Variants in INVS observed in about 807,000 individuals in gnomAD.
INVS encodes inversion of embryo turning homolog.
A neutral mutation model predicts 108.8 loss-of-function variants in INVS; 86 were observed. The ratio of observed to expected loss-of-function variants is 0.79; its 90% confidence interval spans 0.66 to 0.95. The LOEUF (loss-of-function observed/expected upper bound fraction) is 0.95, where lower values mean the gene tolerates loss of function less well. Among genes scored for constraint, INVS ranks in the 40% least tolerant of loss-of-function variants. The pLI is 0.00. For missense variants in INVS, 1,169 were observed against 1,297.4 expected (o/e 0.90, Z 1.52); for synonymous variants, 455 against 473.5 (o/e 0.96, Z 0.51).
At chr9:100,100,811 AATATATATAATATATGTATATATAAT>A (rs1826881468) in intron 1 of INVS, among the ~76,000 whole-genome samples, 2 of 13,208 alleles carry the variant, frequency 1.5e-4, no homozygotes, top group South Asian at 2.2e-3. Context: ...ATGTATATAT[AATATATATAATATATGTATATATAAT>A]ATATATATAA....
chr9:100,162,099 G>C (rs1322120546), intron 3 of INVS, among the ~76,000 whole-genome samples: 1 of 152,126 alleles, frequency 6.6e-6, no homozygotes, highest in African/African-American at 2.4e-5. Flanking sequence ...AGACTAAATG[G>C]TATAATAATA....
At chr9:100,113,085 A>G (rs1483871691) in intron 2 of INVS, among the ~76,000 whole-genome samples, 1 of 152,236 alleles carries the variant, frequency 6.6e-6, no homozygotes, top group Non-Finnish European at 1.5e-5. Flanking sequence ...TCAAACTGAT[A>G]AAAGGAACAT....
At chr9:100,284,207 T>C in intron 12 of INVS, 113 bp from the exon 13 acceptor site, 1 of 1,284,708 alleles carries the variant, frequency 7.8e-7, no homozygotes, top group Non-Finnish European at 1.1e-6. Context: ...AATGCAAATT[T>C]CCAAATATCT....
chr9:100,234,052 G>A (rs1831601060), intron 5 of INVS, among the ~76,000 whole-genome samples: 1 of 152,156 alleles, frequency 6.6e-6, no homozygotes, highest in Non-Finnish European at 1.5e-5. Context: ...TTCAGAACTT[G>A]TTATTGGTCT....
At chr9:100,113,341 G>C (rs915730178) in intron 2 of INVS, among the ~76,000 whole-genome samples, 3 of 152,156 alleles carry the variant, frequency 2.0e-5, no homozygotes, top group Admixed American at 6.5e-5. Context: ...GCCTCCTCTA[G>C]GAGTTACACA....
intron 3 of INVS, among the ~76,000 whole-genome samples, chr9:100,210,247 G>T (rs1055755589): frequency 6.6e-6 from 1 of 152,120 alleles, no homozygotes; most frequent in Non-Finnish European, 1.5e-5. Flanking sequence ...GGGGGTTATT[G>T]GAGCATGTAA....
rs1043594795 is a variant in INVS, at chr9:100,239,980, G to A, written c.616-80G>A. 34 of 1,348,194 alleles carry A rather than the reference G, an allele frequency of 2.5e-5. No homozygotes were observed. The African/African-American group carries it at 3.7e-4, about 15-fold the overall frequency. The allele number at this position is 1,348,194 out of a possible 1,614,324, so 83.5% of individuals were successfully genotyped here. A position where few individuals can be genotyped will look rare whatever the true frequency, so the allele number is the denominator to read the frequency against. On this transcript the variant is annotated intron_variant, in intron 5 of 16. Coordinates refer to ENST00000262457, the MANE Select transcript of INVS (RefSeq NM_014425.5). The stretch of plus-strand genomic sequence containing the variant: ...CAAGACCCTGTCTCTAAAAAAGAAA[G>A]AAAGAAAAAAATACTTACACCAAAT...
intron 3 of INVS, among the ~76,000 whole-genome samples, chr9:100,149,248 T>G (rs1363675945): frequency 6.6e-6 from 1 of 152,216 alleles, no homozygotes; most frequent in Admixed American, 6.5e-5. Context: ...AGTGATAGTT[T>G]ATGAGTTTTT....
chr9:100,108,204 T>C (rs1270011044), intron 2 of INVS, among the ~76,000 whole-genome samples: 1 of 152,252 alleles, frequency 6.6e-6, no homozygotes, highest in Non-Finnish European at 1.5e-5. Flanking sequence ...AATGTGTTAT[T>C]ATTAAAACCT....
At chr9:100,100,783 ATATT>A (rs1446517151) in intron 1 of INVS, among the ~76,000 whole-genome samples, 3 of 6,614 alleles carry the variant, frequency 4.5e-4, no homozygotes, top group Non-Finnish European at 4.0e-4. Flanking sequence ...TATATAATAT[ATATT>A]ATATATATAA....
chr9:100,175,560 A>G, intron 3 of INVS: 1 of 725,716 alleles, frequency 1.4e-6, no homozygotes, highest in South Asian at 1.4e-5. Flanking sequence ...ACAGGTTAAG[A>G]CTTGGTTCCA....
chr9:100,267,330 G>T (rs1832826741), intron 11 of INVS, among the ~76,000 whole-genome samples: 2 of 152,190 alleles, frequency 1.3e-5, no homozygotes, highest in Admixed American at 6.5e-5. Flanking sequence ...AAGAGACAGT[G>T]GCAATAACTC....
chr9:100,248,211 A>G (rs1832106675), intron 8 of INVS, among the ~76,000 whole-genome samples: 1 of 152,168 alleles, frequency 6.6e-6, no homozygotes, highest in Non-Finnish European at 1.5e-5. Flanking sequence ...TCAGTTTTCC[A>G]TTATATATTC....
intron 3 of INVS, among the ~76,000 whole-genome samples, chr9:100,194,909 G>A (rs1456062281): frequency 6.6e-6 from 1 of 152,138 alleles, no homozygotes; most frequent in Non-Finnish European, 1.5e-5. Context: ...AGCTGGGGCT[G>A]ATGAGCAGAA....
intron 16 of INVS, chr9:100,298,343 G>A: frequency 2.0e-6 from 2 of 984,274 alleles, no homozygotes; most frequent in Non-Finnish European, 2.4e-6. Flanking sequence ...TTCCATTTTG[G>A]TGTCACACTA....
chr9:100,120,265 T>C (rs1414178308), intron 2 of INVS, among the ~76,000 whole-genome samples: 1 of 152,184 alleles, frequency 6.6e-6, no homozygotes, highest in Non-Finnish European at 1.5e-5. Flanking sequence ...CACAGATTCC[T>C]TATAAATTAC....
chr9:100,283,388 G>A (rs1254434686), intron 12 of INVS, among the ~76,000 whole-genome samples: 1 of 152,174 alleles, frequency 6.6e-6, no homozygotes, highest in Non-Finnish European at 1.5e-5. Flanking sequence ...CTTCTGGGTA[G>A]AAGATTCCTC....
At chr9:100,134,500 G>C (rs1828161031) in intron 3 of INVS, among the ~76,000 whole-genome samples, 1 of 152,182 alleles carries the variant, frequency 6.6e-6, no homozygotes, top group African/African-American at 2.4e-5. Context: ...TCTACTTTTA[G>C]TTCCTTAAGG....
At chr9:100,170,015 TATG>T (rs1313917227) in intron 3 of INVS, among the ~76,000 whole-genome samples, 2 of 152,238 alleles carry the variant, frequency 1.3e-5, no homozygotes, top group Non-Finnish European at 2.9e-5. Context: ...TTGAAAATTC[TATG>T]ATTTTACTCA....
Sources: gnomAD v4.1 joint callset for allele counts (sites outside exome capture counted in the v4.1 genomes callset) on GRCh38, gnomAD v4.1.1 for gene constraint, MANE v1.5 for transcripts, NCBI Gene and HGNC (gene_info 2026-07-23, HGNC 2026-07-21) for gene names.